Variants in GABBR2 observed in about 807,000 individuals in gnomAD.
The protein encoded by GABBR2 is gamma-aminobutyric acid type B receptor subunit 2.
GABBR2 carries 23 observed loss-of-function variants against 105.6 expected under a neutral mutation model. The ratio of observed to expected loss-of-function variants is 0.22; its 90% CI spans 0.16 to 0.31. The LOEUF is 0.31. GABBR2 is among the 10% of genes least tolerant of loss of function. GABBR2 has a pLI of 1.00. For missense variants in GABBR2, 734 were observed against 1,245.5 expected (o/e 0.59, Z 6.18); for synonymous variants, 478 against 499.7 (o/e 0.96, Z 0.58).
At chr9:98,339,632 T>C (rs1460421575) in intron 13 of GABBR2, among the ~76,000 whole-genome samples, 1 of 152,152 alleles carries the variant, frequency 6.6e-6, no homozygotes, top group East Asian at 1.9e-4. Flanking sequence ...AGGTACAAAA[T>C]TTTTCAGAGA....
chr9:98,457,400 G>C (rs1176354107), intron 6 of GABBR2, among the ~76,000 whole-genome samples: 1 of 152,196 alleles, frequency 6.6e-6, no homozygotes, highest in African/African-American at 2.4e-5. Context: ...TGGTAACTGA[G>C]TGTAATTTTA....
chr9:98,479,817 A>G (rs1201581421), intron 5 of GABBR2, among the ~76,000 whole-genome samples: 4 of 152,062 alleles, frequency 2.6e-5, no homozygotes, highest in African/African-American at 9.7e-5. Context: ...TAGTTGCCAG[A>G]CCCGGTAGTA....
intron 3 of GABBR2, among the ~76,000 whole-genome samples, chr9:98,519,166 G>A (rs1827819215): frequency 6.6e-6 from 1 of 152,186 alleles, no homozygotes; most frequent in Admixed American, 6.5e-5. Flanking sequence ...AGGGCCTGAA[G>A]GCTCTGTCTG....
intron 2 of GABBR2, among the ~76,000 whole-genome samples, chr9:98,570,833 G>A (rs7031346): frequency 0.012 from 1,861 of 152,324 alleles, 43 homozygotes; most frequent in African/African-American, 0.042. Flanking sequence ...CTCTGTGTCC[G>A]TTTAACAAGA....
intron 7 of GABBR2, among the ~76,000 whole-genome samples, chr9:98,438,186 TCCATCCA>T (rs1825964726): frequency 2.0e-5 from 2 of 100,370 alleles, no homozygotes; most frequent in South Asian, 6.6e-4. Flanking sequence ...CATCCATCCA[TCCATCCA>T]TCCATCCATC....
chr9:98,706,047 G>T (rs1207544729), intron 1 of GABBR2, among the ~76,000 whole-genome samples: 1 of 150,774 alleles, frequency 6.6e-6, no homozygotes, highest in East Asian at 1.9e-4. Context: ...ATGCACTCCA[G>T]CCTGGGCAAC....
chr9:98,527,097 A>AATATATATATT (rs1554714716), intron 3 of GABBR2, among the ~76,000 whole-genome samples: 2 of 147,438 alleles, frequency 1.4e-5, no homozygotes, highest in African/African-American at 4.9e-5. Flanking sequence ...ATATAATAAT[A>AATATATATATT]ATATATATAT....
intron 1 of GABBR2, among the ~76,000 whole-genome samples, chr9:98,674,182 C>G (rs1452472943): frequency 1.3e-5 from 2 of 152,060 alleles, no homozygotes; most frequent in Non-Finnish European, 2.9e-5. Context: ...CAAAAGGAGC[C>G]TAAGATAGAG....
At chr9:98,633,960 C>T (rs1179936752) in intron 1 of GABBR2, among the ~76,000 whole-genome samples, 1 of 152,210 alleles carries the variant, frequency 6.6e-6, no homozygotes, top group Non-Finnish European at 1.5e-5. Flanking sequence ...AGTGCACAGC[C>T]ACTGAGCTGT....
At chr9:98,451,291 G>T (rs1406157947) in intron 7 of GABBR2, among the ~76,000 whole-genome samples, 1 of 152,114 alleles carries the variant, frequency 6.6e-6, no homozygotes, top group Non-Finnish European at 1.5e-5. Flanking sequence ...TATATACCAG[G>T]CTCCATGTGA....
chr9:98,447,488 G>A (rs1482886070), intron 7 of GABBR2, among the ~76,000 whole-genome samples: 1 of 151,880 alleles, frequency 6.6e-6, no homozygotes, highest in East Asian at 1.9e-4. Flanking sequence ...AGATCAAACA[G>A]GCAGGAGAGA....
At chr9:98,394,367 C>G (rs1832249683) in intron 8 of GABBR2, 112 bp from the exon 9 acceptor site, 1 of 720,378 alleles carries the variant, frequency 1.4e-6, no homozygotes, top group East Asian at 2.6e-5. Flanking sequence ...TTCTGGCAGG[C>G]TTCCCTTTCT....
chr9:98,512,864 C>G (rs1005736220), intron 3 of GABBR2, among the ~76,000 whole-genome samples: 3 of 152,206 alleles, frequency 2.0e-5, no homozygotes, highest in Admixed American at 6.5e-5. Flanking sequence ...CCATCCTCAT[C>G]AAGCTACCAA....
At chr9:98,495,747 C>T (rs1827264842) in intron 4 of GABBR2, among the ~76,000 whole-genome samples, 1 of 152,204 alleles carries the variant, frequency 6.6e-6, no homozygotes. Context: ...TCTGAGCACT[C>T]TCCCCAGGTG....
intron 3 of GABBR2, among the ~76,000 whole-genome samples, chr9:98,537,725 C>T (rs1408168902): frequency 6.6e-6 from 1 of 152,010 alleles, no homozygotes; most frequent in Non-Finnish European, 1.5e-5. Flanking sequence ...GTGTGAGCCA[C>T]CACACCTGGC....
At chr9:98,544,329 G>A (rs781747202) in intron 2 of GABBR2, among the ~76,000 whole-genome samples, 28 of 152,168 alleles carry the variant, frequency 1.8e-4, no homozygotes, top group Non-Finnish European at 3.4e-4. Flanking sequence ...CTGTTTCAGA[G>A]GGTAGACAGC....
intron 5 of GABBR2, among the ~76,000 whole-genome samples, chr9:98,479,643 C>T (rs1337058565): frequency 6.6e-6 from 1 of 152,240 alleles, no homozygotes; most frequent in Non-Finnish European, 1.5e-5. Context: ...CTGCTTGTCT[C>T]TTTTCAATTC....
chr9:98,384,808 T>TA (rs1174549283), intron 11 of GABBR2, among the ~76,000 whole-genome samples: 1 of 151,966 alleles, frequency 6.6e-6, no homozygotes, highest in East Asian at 1.9e-4. Context: ...TACTCTTTTT[T>TA]ACGTATAAAC....
At chr9:98,556,670 C>T (rs1042778909) in intron 2 of GABBR2, among the ~76,000 whole-genome samples, 1 of 152,130 alleles carries the variant, frequency 6.6e-6, no homozygotes, top group Admixed American at 6.5e-5. Flanking sequence ...AAACCCGCCA[C>T]CAACCTGCTA....
Sources: gnomAD v4.1 joint callset for allele counts (sites outside exome capture counted in the v4.1 genomes callset) on GRCh38, gnomAD v4.1.1 for gene constraint, MANE v1.5 for transcripts, NCBI Gene and HGNC (gene_info 2026-07-23, HGNC 2026-07-21) for gene names.